Variants in RORA observed in about 807,000 individuals in gnomAD.
RORA encodes nuclear receptor ROR-alpha.
RORA carries 7 observed loss-of-function variants against 69.5 expected under a neutral mutation model. The observed-to-expected ratio is 0.10, with a 90% confidence interval of 0.06 to 0.19. The LOEUF is 0.19. Among genes scored for constraint, RORA ranks in the 10% least tolerant of loss-of-function variants. RORA has a pLI of 1.00. For synonymous variants in RORA, 261 were observed against 240.8 expected (o/e 1.08, Z -0.78); for missense variants, 457 against 663.0 (o/e 0.69, Z 3.41).
At chr15:60,835,168 T>C (rs935637451) in intron 1 of RORA, among the ~76,000 whole-genome samples, 1 of 152,210 alleles carries the variant, frequency 6.6e-6, no homozygotes, top group Non-Finnish European at 1.5e-5. Flanking sequence ...ATTTGGCTGC[T>C]GTCTTGGCTG....
intron 2 of RORA, among the ~76,000 whole-genome samples, chr15:60,564,541 G>C (rs980784271): frequency 1.5e-4 from 23 of 151,980 alleles, no homozygotes; most frequent in African/African-American, 5.6e-4. Flanking sequence ...GTAAACTGAG[G>C]GTGACAAAAG....
At chr15:61,050,013 CT>C in intron 1 of RORA, among the ~76,000 whole-genome samples, 1 of 152,226 alleles carries the variant, frequency 6.6e-6, no homozygotes, top group East Asian at 1.9e-4. Flanking sequence ...GTAATGAGTG[CT>C]GTGCAGTGAG....
Position 60,757,698 on chromosome 15 carries a change from T to C in RORA, c.167-79012A>G, listed in dbSNP as rs187828988. On this transcript the variant is annotated intron_variant, in intron 1 of 10. Transcript: ENST00000335670. ...AGGGTGTAAAATAGTGCCTGGCACA[T>C]AGAAAGTGCCCATGCTTACTTGTTG... Among the ~76,000 whole-genome samples the C allele has an allele frequency of 4.6e-5, 7 of 152,282 alleles. No homozygotes were observed. The East Asian group carries it at 9.7e-4, about 21-fold the overall frequency.
chr15:61,117,670 T>C (rs947360809), intron 1 of RORA, among the ~76,000 whole-genome samples: 1 of 152,250 alleles, frequency 6.6e-6, no homozygotes, highest in Admixed American at 6.5e-5. Flanking sequence ...TGAAATCATT[T>C]GAATCTTTCA....
intron 2 of RORA, chr15:60,614,798 T>C (rs2069186511): frequency 1.1e-6 from 1 of 949,500 alleles, no homozygotes; most frequent in South Asian, 2.0e-5. Context: ...AATCATAAGG[T>C]TTAAATGAGA....
chr15:60,592,639 C>T, intron 2 of RORA: 1 of 1,129,726 alleles, frequency 8.9e-7, no homozygotes, highest in Non-Finnish European at 1.1e-6. Context: ...GGGCGGGAGG[C>T]GGGAGGCGGG....
intron 1 of RORA, among the ~76,000 whole-genome samples, chr15:61,172,514 G>C (rs1567021898): frequency 6.6e-6 from 1 of 152,162 alleles, no homozygotes; most frequent in Non-Finnish European, 1.5e-5. Context: ...GCAGCCCACA[G>C]ATGCTCCACC....
chr15:61,181,680 C>CAAAAAAAAAAAA (rs749054081), intron 1 of RORA, among the ~76,000 whole-genome samples: 1 of 57,746 alleles, frequency 1.7e-5, no homozygotes, highest in African/African-American at 6.4e-5. Context: ...TTAGCTTTGG[C>CAAAAAAAAAAAA]AAAAAAAAAA....
intron 1 of RORA, among the ~76,000 whole-genome samples, chr15:61,120,080 G>A (rs1305405786): frequency 6.6e-6 from 1 of 152,168 alleles, no homozygotes; most frequent in African/African-American, 2.4e-5. Context: ...GTGGATGACC[G>A]TCTGCTTGGG....
chr15:60,942,465 C>T (rs111351894), intron 1 of RORA, among the ~76,000 whole-genome samples: 1,814 of 152,270 alleles, frequency 0.012, 39 homozygotes, highest in African/African-American at 0.042. Context: ...GCAAGATGTT[C>T]GGCAATTATT....
At chr15:61,133,517 C>T (rs531403771) in intron 1 of RORA, among the ~76,000 whole-genome samples, 8 of 152,170 alleles carry the variant, frequency 5.3e-5, no homozygotes, top group Non-Finnish European at 7.3e-5. Flanking sequence ...GAGTTGAGGG[C>T]TGATGGCTGA....
intron 1 of RORA, among the ~76,000 whole-genome samples, chr15:61,215,021 C>A (rs370490121): frequency 6.8e-6 from 1 of 146,068 alleles, no homozygotes; most frequent in African/African-American, 2.5e-5. Flanking sequence ...CCCGCCACCA[C>A]GCCCAGCTAA....
At chr15:61,108,984 G>T (rs370715936) in intron 1 of RORA, among the ~76,000 whole-genome samples, 12 of 152,088 alleles carry the variant, frequency 7.9e-5, no homozygotes, top group African/African-American at 2.4e-4. Flanking sequence ...AGATCATGAG[G>T]TCAGGAGACT....
At chr15:60,961,554 T>A (rs1189252033) in intron 1 of RORA, among the ~76,000 whole-genome samples, 2 of 152,250 alleles carry the variant, frequency 1.3e-5, no homozygotes, top group South Asian at 4.1e-4. Flanking sequence ...GCGTCTCAGC[T>A]GCTACTTTAA....
intron 1 of RORA, among the ~76,000 whole-genome samples, chr15:60,864,826 A>C (rs1183647847): frequency 6.6e-6 from 1 of 152,172 alleles, no homozygotes; most frequent in African/African-American, 2.4e-5. Context: ...TATGTGCTTT[A>C]TTTACTCACT....
chr15:60,677,335 G>C (rs759076261), intron 2 of RORA: 1 of 408,786 alleles, frequency 2.4e-6, no homozygotes, highest in Non-Finnish European at 5.1e-6. Context: ...CAACAACAAC[G>C]ACAAAACAAC....
chr15:60,639,335 T>C (rs909128553), intron 2 of RORA, among the ~76,000 whole-genome samples: 12 of 152,242 alleles, frequency 7.9e-5, no homozygotes, highest in Non-Finnish European at 1.6e-4. Flanking sequence ...CTTGAATCTT[T>C]CATGCTTATT....
chr15:60,977,562 A>G (rs1048091652), intron 1 of RORA, among the ~76,000 whole-genome samples: 2 of 152,158 alleles, frequency 1.3e-5, no homozygotes, highest in African/African-American at 4.8e-5. Context: ...AGACTATCTA[A>G]TTCCAGAACA....
intron 1 of RORA, among the ~76,000 whole-genome samples, chr15:61,044,139 A>G (rs1855710201): frequency 6.6e-6 from 1 of 152,164 alleles, no homozygotes; most frequent in African/African-American, 2.4e-5. Flanking sequence ...CCCCAAAGCA[A>G]TTAGCTTCCT....
Sources: allele counts gnomAD v4.1 joint callset (sites outside exome capture counted in the v4.1 genomes callset), GRCh38; gene constraint gnomAD v4.1.1; transcripts MANE v1.5; gene names NCBI Gene and HGNC (gene_info 2026-07-23, HGNC 2026-07-21).